The following PEX1 variants were observed in gnomAD, a reference collection of about 807,000 sequenced individuals.
PEX1 encodes the protein peroxisomal biogenesis factor 1.
Under a neutral mutation model 152.5 loss-of-function variants are expected in PEX1, and 97 were observed. The observed-to-expected ratio is 0.64, with a 90% confidence interval of 0.54 to 0.75. The LOEUF (loss-of-function observed/expected upper bound fraction) is 0.75, where lower values mean the gene tolerates loss of function less well. Among genes scored for constraint, PEX1 ranks in the 30% least tolerant of loss-of-function variants. The pLI is 0.00. For missense variants in PEX1, 1,357 were observed against 1,516.3 expected, an observed-to-expected ratio of 0.89 and a Z score of 1.74; for synonymous variants, 485 against 531.6, an observed-to-expected ratio of 0.91 and a Z score of 1.21.
chr7:92,504,763 AG>A lies in PEX1; in HGVS notation c.2039del (p.Pro680LeufsTer13), dbSNP rs1269903353. The A allele has an allele frequency of 1.9e-6, 3 of 1,614,070 alleles. No homozygotes were observed. The highest frequency in any genetic ancestry group is 2.5e-6 in the Non-Finnish European group (3 of 1,180,030). On this transcript the variant is annotated frameshift_variant, in exon 12 of 24. Coordinates refer to ENST00000248633, the MANE Select transcript of PEX1 (RefSeq NM_000466.3). LOFTEE classifies it high-confidence loss of function. ...LPAVPEHEHS[P>X]DAVQSQRLAH... The stretch of plus-strand genomic sequence containing the variant: ...CAAGCCGCTGGCTCTGCACCGCATC[AG>A]GACTGTGCTCATGTTCCGGGACAGC...
At chr7:92,493,265 C>T in intron 19 of PEX1, 136 bp from the exon 20 acceptor site, 1 of 532,394 alleles carries the variant, frequency 1.9e-6, no homozygotes, top group South Asian at 3.1e-5. Context: ...AGAAATGTAC[C>T]AACAGCCTAC....
In PEX1 at chr7:92,491,404, A is replaced by G. The variant is rs1791309203; in HGVS notation, c.3306T>C (p.Cys1102=). ...GSDDSAGDGE[C]GLDQSLVSLE... ...AAGAAACAAGGGACTGATCTAAGCC[A>G]CATTCTCCATCTCCAGCTGAATCGT... Residue 1102 remains cysteine, a synonymous_variant, in exon 21 of 24, where the codon TGT becomes TGC. Coordinates refer to ENST00000248633, the MANE Select transcript of PEX1 (RefSeq NM_000466.3). 6.2e-7 allele frequency: 1 copy of G among 1,613,494 alleles called. No individual in the cohort carries two copies. The highest frequency in any genetic ancestry group is 1.1e-5 in the South Asian group (1 of 91,084).
intron 21 of PEX1, chr7:92,490,237 G>A: frequency 3.2e-6 from 1 of 316,714 alleles, no homozygotes; most frequent in South Asian, 3.6e-5. Flanking sequence ...CTAAGTTTCT[G>A]GGACATTTCT....
intron 10 of PEX1, 196 bp from the exon 11 acceptor site, chr7:92,506,540 C>T (rs935415398): frequency 8.6e-6 from 5 of 583,556 alleles, no homozygotes; most frequent in Non-Finnish European, 1.5e-5. Context: ...ACAAAGACAA[C>T]ACAAAAACAG....
chr7:92,508,189 ATG>A (rs1179194044), intron 9 of PEX1, among the ~76,000 whole-genome samples: 1 of 103,588 alleles, frequency 9.7e-6, no homozygotes, highest in Non-Finnish European at 2.5e-5. Flanking sequence ...TTTTACAAAC[ATG>A]AACTTTAAAC....
intron 20 of PEX1, among the ~76,000 whole-genome samples, chr7:92,492,326 C>T (rs7804789): frequency 0.93 from 141,653 of 152,208 alleles, 66,015 homozygotes; most frequent in African/African-American, 0.98. Flanking sequence ...AAATTTTTCA[C>T]AGAGACAAGA....
chr7:92,496,642 G>A, intron 17 of PEX1, 71 bp downstream of exon 17: 3 of 1,015,754 alleles, frequency 3.0e-6, no homozygotes, highest in Non-Finnish European at 4.7e-6. Flanking sequence ...CAAAAAACAA[G>A]ACCAAAAAAA....
intron 9 of PEX1, 34 bp downstream of exon 9, chr7:92,509,295 T>A (rs1256710664): frequency 2.2e-6 from 3 of 1,390,982 alleles, no homozygotes; most frequent in South Asian, 1.2e-5. Flanking sequence ...GTTAAAAACA[T>A]GTCTAACATG....
intron 5 of PEX1, among the ~76,000 whole-genome samples, chr7:92,515,534 C>T (rs1250580266): frequency 9.2e-5 from 14 of 152,100 alleles, no homozygotes; most frequent in Admixed American, 9.2e-4. Context: ...AATCACAGGA[C>T]TTTACCATCA....
chr7:92,512,061 C>T (rs1453563516), intron 6 of PEX1, among the ~76,000 whole-genome samples: 2 of 152,252 alleles, frequency 1.3e-5, no homozygotes, highest in African/African-American at 4.8e-5. Flanking sequence ...GAGACAGAAT[C>T]TCGCTGTATC....
In PEX1 at chr7:92,517,755, A is replaced by G. The variant is rs140200060; in HGVS notation, c.760T>C (p.Ser254Pro). 5.0e-6 allele frequency: 8 copies of G among 1,603,690 alleles called. No individual in the cohort carries two copies. The highest frequency in any genetic ancestry group is 5.1e-6 in the Non-Finnish European group (6 of 1,174,730). Residue 254 changes from serine (S) to proline (P), a missense_variant, in exon 5 of 24, where the codon TCC (serine) becomes CCC (proline). Transcript: ENST00000248633. Reference sequence around the variant, plus strand: ...TCTTGTTTCTTCTCAGATTGAAAGGAAAAAATGCTTCCTATCATAGTCCAT... The same window carrying G: ...TCTTGTTTCTTCTCAGATTGAAAGGGAAAAATGCTTCCTATCATAGTCCAT... ...SLWTMIGSIFSFQSEKKQETS... is the reference protein window; with the variant it reads ...SLWTMIGSIFPFQSEKKQETS...
rs1370887577 is a variant in PEX1 at position 92,507,006 on chromosome 7, G to A, written c.1791C>T (p.Leu597=). ...VAGLRNGALL[L]TGGKGSGKST... ...CTTAACCACTTACCTTTCCTCCTGTGAGTAAAAGAGCTCCATTCCTAAGTC... is the reference window on the plus strand; with the variant it reads ...CTTAACCACTTACCTTTCCTCCTGTAAGTAAAAGAGCTCCATTCCTAAGTC... Residue 597 remains leucine (L), a synonymous_variant, in exon 10 of 24, where the codon CTC becomes CTT. Coordinates refer to ENST00000248633, the MANE Select transcript of PEX1 (RefSeq NM_000466.3). The A allele has an allele frequency of 5.6e-6, 9 of 1,613,932 alleles. No individual in the cohort carries two copies. The highest frequency in any genetic ancestry group is 7.6e-6 in the Non-Finnish European group (9 of 1,179,968).
Position 92,522,202 on chromosome 7 carries a change from A to G in PEX1, c.173T>C (p.Leu58Ser), listed in dbSNP as rs1328542738. 1 of 1,614,046 alleles carries G rather than the reference A, an allele frequency of 6.2e-7. No homozygotes were observed. Among genetic ancestry groups the G allele is most frequent in the East Asian group, 2.2e-5 (1 of 44,874 alleles). ...EVVWSHQPAFLSWVEGRHFSD... is the reference protein window; with the variant it reads ...EVVWSHQPAFSSWVEGRHFSD... ...AAAATGCCTGCCTTCCACCCAGCTC[A>G]AGAATGCAGGCTGGTGACTCCAGAC... The change falls in exon 2 of 24, where the codon TTG (leucine) becomes TCG (serine). Residue 58 changes from leucine to serine, a missense_variant. Transcript: ENST00000248633.
intron 5 of PEX1, 94 bp downstream of exon 5, chr7:92,517,182 T>C (rs1197624093): frequency 9.6e-7 from 1 of 1,046,856 alleles, no homozygotes; most frequent in African/African-American, 1.6e-5. Context: ...TTTTAATTGA[T>C]TTTCAATTTA....
At chr7:92,525,028 A>G (rs1793204409) in intron 1 of PEX1, among the ~76,000 whole-genome samples, 1 of 152,204 alleles carries the variant, frequency 6.6e-6, no homozygotes, top group African/African-American at 2.4e-5. Context: ...TGAGGAGGAA[A>G]AATACTTCTA....
chr7:92,511,063 T>A lies in PEX1; in HGVS notation c.1484-16A>T. On this transcript the variant is annotated splice_polypyrimidine_tract_variant and intron_variant, in intron 7 of 23. Coordinates refer to ENST00000248633, the MANE Select transcript of PEX1 (RefSeq NM_000466.3). ...TCCTTCAGTCCTATTAAAAAGAAAG[T>A]AATAAATGCAGAGTTAGTACTGAAA... 8.9e-7 allele frequency: 1 copy of A among 1,123,724 alleles called. No individual in the cohort carries two copies. The highest frequency in any genetic ancestry group is 1.4e-6 in the Non-Finnish European group (1 of 736,182). 69.6% of individuals were successfully genotyped at this position (1,123,724 alleles called of 1,614,324 possible).
rs1791174009 is a variant in PEX1 at position 92,489,727 on chromosome 7, CG to C, written c.3622del (p.Arg1208GlyfsTer10). On this transcript the variant is annotated frameshift_variant, in exon 22 of 24. Transcript: ENST00000248633. LOFTEE classifies it high-confidence loss of function. ...ADISIIKGRYRSQSGEDESMN... is the reference protein window; with the variant it reads ...ADISIIKGRYXSQSGEDESMN... ...AAAAAGCCATACTCCACTTTGGCTC[CG>C]GTATCTGCCTTTGATAATACTGATA... 1 of 1,613,840 alleles carries C rather than the reference CG, an allele frequency of 6.2e-7. No individual in the cohort carries two copies. Among genetic ancestry groups the C allele is most frequent in the East Asian group, 2.2e-5 (1 of 44,876 alleles).
chr7:92,498,541 A>G (rs982513179), intron 16 of PEX1, among the ~76,000 whole-genome samples: 3 of 152,222 alleles, frequency 2.0e-5, no homozygotes, highest in African/African-American at 7.2e-5. Flanking sequence ...TGATTTATAA[A>G]TCAAGTTTGA....
At position 92,504,885 on chromosome 7, in the gene PEX1, T is replaced by A. The variant is rs759403845; in HGVS notation, c.1918A>T (p.Ile640Leu). The A allele has an allele frequency of 2.5e-6, 4 of 1,613,498 alleles. No homozygotes were observed. Among genetic ancestry groups the A allele is most frequent in the Non-Finnish European group, 3.4e-6 (4 of 1,179,498 alleles). ...AAAGCCACCTCTAGGGTTTTTTGTA[T>A]GTTTTCAAGCCTTTTTCCTTAATAC... ...KALRGKRLENIQKTLEVAFSE... is the reference protein window; with the variant it reads ...KALRGKRLENLQKTLEVAFSE... The change falls in exon 12 of 24, where the codon ATA (isoleucine) becomes TTA (leucine). Residue 640 changes from isoleucine to leucine, a missense_variant. Physicochemically the swap from Ile to Leu is conservative, Grantham distance 5. Transcript: ENST00000248633.
Sources: gnomAD v4.1 joint callset for allele counts (sites outside exome capture counted in the v4.1 genomes callset) on GRCh38, gnomAD v4.1.1 for gene constraint, MANE v1.5 for transcripts, NCBI Gene and HGNC (gene_info 2026-07-23, HGNC 2026-07-21) for gene names.